ABHD18: variants seen among roughly 807,000 people sequenced by gnomAD.
ABHD18 encodes cardiolipin-specific deacylase, mitochondrial.
A neutral mutation model predicts 65.9 loss-of-function variants in ABHD18; 55 were observed. The ratio of observed to expected loss-of-function variants is 0.84; its 90% CI spans 0.67 to 1.05. The LOEUF (loss-of-function observed/expected upper bound fraction) is 1.05. ABHD18 is among the 50% of genes least tolerant of loss of function. The pLI is 0.00. For missense variants in ABHD18, 533 were observed against 558.5 expected (o/e 0.95, Z 0.46); for synonymous variants, 181 against 180.2 (o/e 1.00, Z -0.04).
chr4:128,015,705 C>A (rs1009630862), intron 7 of ABHD18, among the ~76,000 whole-genome samples: 1 of 152,126 alleles, frequency 6.6e-6, no homozygotes, highest in Non-Finnish European at 1.5e-5. Context: ...GTTTTTCACA[C>A]TTGGCATTCC....
chr4:128,002,007 G>A (rs1210754850), intron 4 of ABHD18, among the ~76,000 whole-genome samples: 3 of 152,042 alleles, frequency 2.0e-5, no homozygotes, highest in Admixed American at 2.0e-4. Flanking sequence ...AGGCATGGTG[G>A]CTCACGCCTG....
intron 7 of ABHD18, among the ~76,000 whole-genome samples, chr4:128,015,586 G>C (rs1755343604): frequency 6.6e-6 from 1 of 152,092 alleles, no homozygotes; most frequent in Non-Finnish European, 1.5e-5. Flanking sequence ...GATCTGTTTG[G>C]ACGAAGGATA....
chr4:127,994,790 C>T (rs1751474722), intron 4 of ABHD18, among the ~76,000 whole-genome samples: 1 of 152,126 alleles, frequency 6.6e-6, no homozygotes. Flanking sequence ...TTTCATTTCT[C>T]AGCATCAGAG....
chr4:128,008,569 C>A (rs1321196788), intron 4 of ABHD18, among the ~76,000 whole-genome samples: 1 of 152,062 alleles, frequency 6.6e-6, no homozygotes, highest in Non-Finnish European at 1.5e-5. Context: ...GCCACCGCGC[C>A]TGGCCAATAG....
chr4:127,974,716 A>G (rs1747554884), intron 1 of ABHD18, among the ~76,000 whole-genome samples: 1 of 151,216 alleles, frequency 6.6e-6, no homozygotes. Flanking sequence ...GGCTGGGCGC[A>G]GTGGCTCACA....
chr4:128,003,948 TAA>T (rs70966066), intron 4 of ABHD18, among the ~76,000 whole-genome samples: 2 of 134,288 alleles, frequency 1.5e-5, no homozygotes. Flanking sequence ...TGTCTCGATT[TAA>T]AAAAAAAAAA....
At chr4:127,968,880 A>G (rs1409161350) in intron 1 of ABHD18, among the ~76,000 whole-genome samples, 1 of 152,088 alleles carries the variant, frequency 6.6e-6, no homozygotes, top group African/African-American at 2.4e-5. Context: ...TTATCTGTTC[A>G]TGGTGGCACT....
At chr4:127,994,596 CAAAAA>C (rs538739196) in intron 4 of ABHD18, among the ~76,000 whole-genome samples, 1 of 151,392 alleles carries the variant, frequency 6.6e-6, no homozygotes, top group East Asian at 1.9e-4. Context: ...TCAAAACAAA[CAAAAA>C]AAACAAACAA....
At chr4:127,999,778 G>T (rs567538681) in intron 4 of ABHD18, among the ~76,000 whole-genome samples, 2 of 152,188 alleles carry the variant, frequency 1.3e-5, no homozygotes, top group East Asian at 3.9e-4. Context: ...CTGTGCAGAA[G>T]CTCTTTAGTT....
rs1038459649 is a variant in ABHD18, at chr4:127,991,804, C to G, written c.278+1983C>G. 1.1e-4 allele frequency among the ~76,000 whole-genome samples: 17 copies of G among 152,102 alleles called. 2 individuals are homozygous for G. Among genetic ancestry groups the G allele is most frequent in the Admixed American group, 2.0e-4 (3 of 15,274 alleles). On this transcript the variant is annotated intron_variant, in intron 4 of 12. Transcript: ENST00000645843. Reference sequence around the variant, plus strand: ...GAAGAGATTATTCTGTAATGGAAACCTACTTAACCTTTTAAGTGAACGTAT... The same window carrying G: ...GAAGAGATTATTCTGTAATGGAAACGTACTTAACCTTTTAAGTGAACGTAT...
At position 128,011,979 on chromosome 4, in the gene ABHD18, CCTTT is replaced by C. The variant is rs530775411; in HGVS notation, c.470+284_470+287del. 1.8e-3 allele frequency among the ~76,000 whole-genome samples: 276 copies of C among 151,242 alleles called. 2 individuals carry two copies. The highest frequency in any genetic ancestry group is 6.6e-3 in the African/African-American group (271 of 41,280). ...ACTGTAAATGAAGAAATGATAAAACCCTTTCTTTTTTTTTTTTTGAGACGCAGTC... is the reference window on the plus strand; with the variant it reads ...ACTGTAAATGAAGAAATGATAAAACCCTTTTTTTTTTTTTGAGACGCAGTC... On this transcript the variant is annotated intron_variant, in intron 7 of 12. Transcript: ENST00000645843.
At chr4:127,990,835 T>A (rs1452279686) in intron 4 of ABHD18, among the ~76,000 whole-genome samples, 1 of 152,172 alleles carries the variant, frequency 6.6e-6, no homozygotes, top group Non-Finnish European at 1.5e-5. Flanking sequence ...TTTGTTAATG[T>A]ACAGAGGTTA....
chr4:128,002,527 G>A (rs1434015120), intron 4 of ABHD18, among the ~76,000 whole-genome samples: 3 of 151,324 alleles, frequency 2.0e-5, no homozygotes, highest in African/African-American at 7.3e-5. Flanking sequence ...TGATCTCCCT[G>A]CCTTGGCCTC....
At chr4:127,983,733 C>G (rs1313974368) in intron 2 of ABHD18, among the ~76,000 whole-genome samples, 1 of 152,040 alleles carries the variant, frequency 6.6e-6, no homozygotes, top group Non-Finnish European at 1.5e-5. Flanking sequence ...GGCATGGTGA[C>G]GGGCACCTGT....
intron 1 of ABHD18, among the ~76,000 whole-genome samples, chr4:127,972,154 T>C (rs1263795258): frequency 6.6e-6 from 1 of 152,156 alleles, no homozygotes; most frequent in Non-Finnish European, 1.5e-5. Context: ...GGTATGGGAA[T>C]GAATGTGGAA....
intron 7 of ABHD18, among the ~76,000 whole-genome samples, chr4:128,015,912 A>G (rs1203168206): frequency 6.6e-6 from 1 of 151,338 alleles, no homozygotes; most frequent in Non-Finnish European, 1.5e-5. Flanking sequence ...ATCACTATAT[A>G]CGGATGGTTC....
At chr4:127,997,670 T>C (rs1308047517) in intron 4 of ABHD18, among the ~76,000 whole-genome samples, 2 of 152,342 alleles carry the variant, frequency 1.3e-5, no homozygotes, top group Admixed American at 6.5e-5. Context: ...AAAAGCAGTG[T>C]ACCACCTGGC....
At chr4:127,969,189 C>T (rs516804) in intron 1 of ABHD18, among the ~76,000 whole-genome samples, 1,546 of 149,162 alleles carry the variant, frequency 0.01, 19 homozygotes, top group Non-Finnish European at 0.017. Flanking sequence ...GGAAGGTTTT[C>T]TTTTTTTCTT....
At chr4:127,969,451 A>C (rs1189749580) in intron 1 of ABHD18, among the ~76,000 whole-genome samples, 1 of 152,086 alleles carries the variant, frequency 6.6e-6, no homozygotes, top group African/African-American at 2.4e-5. Flanking sequence ...CGCCTGCCTC[A>C]GCCTCCCAAA....
Sources: gnomAD v4.1 joint callset for allele counts (sites outside exome capture counted in the v4.1 genomes callset) on GRCh38, gnomAD v4.1.1 for gene constraint, MANE v1.5 for transcripts, NCBI Gene and HGNC (gene_info 2026-07-23, HGNC 2026-07-21) for gene names.